RABGAP1L: variants seen among roughly 807,000 people sequenced by gnomAD.
RABGAP1L encodes RAB GTPase activating protein 1 like, also known as rab GTPase-activating protein 1-like.
RABGAP1L carries 63 observed loss-of-function variants against 137.7 expected under a neutral mutation model. The ratio of observed to expected loss-of-function variants is 0.46; its 90% CI spans 0.37 to 0.56. The LOEUF is 0.56. Ranked by LOEUF, RABGAP1L falls within the 20% of genes least tolerant of loss-of-function variation. The probability of loss-of-function intolerance (pLI) is 0.00; values close to 1 mark genes in which losing one functional copy is unlikely to be tolerated. For missense variants in RABGAP1L, 1,095 were observed against 1,244.0 expected (o/e 0.88, Z 1.80); for synonymous variants, 431 against 433.7 (o/e 0.99, Z 0.08).
At chr1:174,482,911 G>GA (rs1306839251) in intron 13 of RABGAP1L, among the ~76,000 whole-genome samples, 1 of 152,048 alleles carries the variant, frequency 6.6e-6, no homozygotes, top group Non-Finnish European at 1.5e-5. Context: ...TTGAATGAAT[G>GA]AAAAAATAGA....
At chr1:174,787,270 GT>G (rs1687514438) in intron 18 of RABGAP1L, among the ~76,000 whole-genome samples, 1 of 152,082 alleles carries the variant, frequency 6.6e-6, no homozygotes, top group African/African-American at 2.4e-5. Flanking sequence ...GGGCGTGGTG[GT>G]GTGTGCCTGT....
At chr1:174,496,285 C>A (rs1028784591) in intron 13 of RABGAP1L, among the ~76,000 whole-genome samples, 1 of 152,158 alleles carries the variant, frequency 6.6e-6, no homozygotes, top group Admixed American at 6.5e-5. Flanking sequence ...AGGTCAGTGT[C>A]TTTATTCCCC....
At chr1:174,706,351 A>G (rs1680044734) in intron 17 of RABGAP1L, among the ~76,000 whole-genome samples, 1 of 152,170 alleles carries the variant, frequency 6.6e-6, no homozygotes, top group Admixed American at 6.5e-5. Flanking sequence ...TTGAAACTGG[A>G]GTTTAAAAAT....
rs1197995014 is a variant in RABGAP1L at position 174,828,670 on chromosome 1, G to A, written c.2340+16710G>A. On this transcript the variant is annotated intron_variant, in intron 19 of 25. Coordinates refer to ENST00000681986, the MANE Select transcript of RABGAP1L (RefSeq NM_001366446.1). ...AGAATTAATTAAATTAAACACATGTGTGAAGCATTGGCTAAATTAATTCCT... is the reference window on the plus strand; with the variant it reads ...AGAATTAATTAAATTAAACACATGTATGAAGCATTGGCTAAATTAATTCCT... 2.0e-5 allele frequency among the ~76,000 whole-genome samples: 3 copies of A among 148,690 alleles called. 1 individual carries two copies. Among genetic ancestry groups the A allele is most frequent in the African/African-American group, 7.3e-5 (3 of 40,818 alleles).
At chr1:174,622,482 A>T (rs951796724) in intron 13 of RABGAP1L, among the ~76,000 whole-genome samples, 2 of 152,254 alleles carry the variant, frequency 1.3e-5, no homozygotes, top group African/African-American at 4.8e-5. Context: ...AGACTGGATT[A>T]AGAAAATGTG....
intron 11 of RABGAP1L, among the ~76,000 whole-genome samples, chr1:174,369,651 A>G (rs1558173359): frequency 6.6e-6 from 1 of 152,312 alleles, no homozygotes; most frequent in Admixed American, 6.5e-5. Context: ...TTCTATTTAC[A>G]TTACTTCTAT....
At chr1:174,984,476 C>T (rs187790935) in intron 24 of RABGAP1L, among the ~76,000 whole-genome samples, 1 of 152,192 alleles carries the variant, frequency 6.6e-6, no homozygotes, top group East Asian at 1.9e-4. Context: ...TGTGGTGGCT[C>T]ACGCCTGTAA....
chr1:174,725,623 G>T (rs904001631), intron 17 of RABGAP1L, among the ~76,000 whole-genome samples: 6 of 151,812 alleles, frequency 4.0e-5, no homozygotes, highest in Non-Finnish European at 7.4e-5. Context: ...TTGAAAAAAA[G>T]AGTGCAGGTG....
At chr1:174,766,859 A>G (rs74678389) in intron 18 of RABGAP1L, among the ~76,000 whole-genome samples, 3,016 of 152,276 alleles carry the variant, frequency 0.02, 111 homozygotes, top group African/African-American at 0.07. Context: ...GGAATCACCA[A>G]TAGAACAGAC....
At chr1:174,490,338 A>G (rs1297607022) in intron 13 of RABGAP1L, among the ~76,000 whole-genome samples, 1 of 152,190 alleles carries the variant, frequency 6.6e-6, no homozygotes, top group Non-Finnish European at 1.5e-5. Context: ...GACTCATAAG[A>G]TGCCGCCTTC....
intron 11 of RABGAP1L, among the ~76,000 whole-genome samples, chr1:174,366,163 A>G (rs12404658): frequency 9.8e-5 from 15 of 152,330 alleles, no homozygotes; most frequent in Admixed American, 7.8e-4. Flanking sequence ...TATCCAGGTT[A>G]CTGAATTCAT....
At chr1:174,378,550 T>G (rs1267842583) in intron 12 of RABGAP1L, among the ~76,000 whole-genome samples, 2 of 152,060 alleles carry the variant, frequency 1.3e-5, no homozygotes, top group Non-Finnish European at 2.9e-5. Flanking sequence ...TGATGAGCAT[T>G]TTTTCATGTG....
At chr1:174,261,481 C>T (rs910292883) in intron 7 of RABGAP1L, among the ~76,000 whole-genome samples, 6 of 152,106 alleles carry the variant, frequency 3.9e-5, no homozygotes, top group East Asian at 3.8e-4. Context: ...AAGAACCATA[C>T]TGTGTAGCAT....
At chr1:174,189,340 C>T (rs948165372) in intron 1 of RABGAP1L, among the ~76,000 whole-genome samples, 7 of 152,168 alleles carry the variant, frequency 4.6e-5, no homozygotes, top group African/African-American at 1.7e-4. Flanking sequence ...TGTTTGTTTA[C>T]ATTGAAAATC....
In RABGAP1L at chr1:174,250,562, C is replaced by A. The variant is rs1571777157; in HGVS notation, c.805C>A (p.Pro269Thr). 6.2e-7 allele frequency: 1 copy of A among 1,613,674 alleles called. No homozygotes were observed. Among genetic ancestry groups the A allele is most frequent in the South Asian group, 1.1e-5 (1 of 91,054 alleles). ...TGTTAAAGACTCAGTTATTCCTACC[C>A]CCGACAGTGATGTGTTTACCTTCAG... ...SDVKDSVIPT[P>T]DSDVFTFSVS... Residue 269 changes from proline to threonine, a missense_variant, in exon 6 of 26, where the codon CCC becomes ACC. Transcript: ENST00000681986.
intron 17 of RABGAP1L, 58 bp downstream of exon 17, chr1:174,702,314 G>T: frequency 7.0e-7 from 1 of 1,434,514 alleles, no homozygotes; most frequent in South Asian, 1.5e-5. Flanking sequence ...TACTAAAAAT[G>T]GTTACAGTTT....
In RABGAP1L at chr1:174,816,664, A is replaced by T. The variant is rs553081197; in HGVS notation, c.2340+4704A>T. ...GCCTCCTTACAGCTCAAATAGGTGC[A>T]TATGTAGCTTAGCTCTATGGCCATG... On this transcript the variant is annotated intron_variant, in intron 19 of 25. Transcript: ENST00000681986. Among the ~76,000 whole-genome samples the T allele has an allele frequency of 2.0e-5, 3 of 151,798 alleles. No individual in the cohort carries two copies. In the South Asian group the frequency reaches 6.2e-4, roughly 32 times the overall value.
intron 17 of RABGAP1L, among the ~76,000 whole-genome samples, chr1:174,745,997 A>T (rs1683832191): frequency 6.6e-6 from 1 of 152,182 alleles, no homozygotes; most frequent in African/African-American, 2.4e-5. Context: ...CCAGGTGCTG[A>T]TGCACACTTG....
intron 14 of RABGAP1L, among the ~76,000 whole-genome samples, chr1:174,664,730 CTTTCTTTTTTTTTTTTT>C (rs1676639833): frequency 2.0e-5 from 2 of 98,914 alleles, no homozygotes; most frequent in Non-Finnish European, 3.5e-5. Context: ...TTTCTTTCTG[CTTTCTTTTTTTTTTTTT>C]TTTTTTTTGA....
Sources: allele counts gnomAD v4.1 joint callset (sites outside exome capture counted in the v4.1 genomes callset), GRCh38; gene constraint gnomAD v4.1.1; transcripts MANE v1.5; gene names NCBI Gene and HGNC (gene_info 2026-07-23, HGNC 2026-07-21).